The following CDK19 variants were observed in gnomAD, a reference collection of about 807,000 sequenced individuals.
The protein encoded by CDK19 is cyclin dependent kinase 19.
Under a neutral mutation model 68.3 loss-of-function variants are expected in CDK19, and 20 were observed. The ratio of observed to expected loss-of-function variants is 0.29; its 90% CI spans 0.21 to 0.43. CDK19 has a LOEUF of 0.43. CDK19 is among the 20% of genes least tolerant of loss of function. The probability of loss-of-function intolerance (pLI) is 1.00; values close to 1 mark genes in which losing one functional copy is unlikely to be tolerated. For synonymous variants in CDK19, 221 were observed against 222.8 expected, an observed-to-expected ratio of 0.99 and a Z score of 0.07; for missense variants, 339 against 623.5, an observed-to-expected ratio of 0.54 and a Z score of 4.86.
At chr6:110,682,431 A>G (rs1167108173) in intron 2 of CDK19, among the ~76,000 whole-genome samples, 1 of 152,236 alleles carries the variant, frequency 6.6e-6, no homozygotes, top group Non-Finnish European at 1.5e-5. Context: ...TAAATTAAGA[A>G]TTAGTATTTG....
chr6:110,627,425 A>G (rs919223879), intron 6 of CDK19, among the ~76,000 whole-genome samples: 1 of 152,292 alleles, frequency 6.6e-6, no homozygotes, highest in South Asian at 2.1e-4. Flanking sequence ...AATAAAAAAC[A>G]TTTACTTGTA....
chr6:110,793,533 T>C (rs939206179), intron 1 of CDK19, among the ~76,000 whole-genome samples: 1 of 152,250 alleles, frequency 6.6e-6, no homozygotes, highest in Non-Finnish European at 1.5e-5. Context: ...TTATAGTTCA[T>C]AAATTGTACT....
chr6:110,678,951 C>A (rs942616582), intron 2 of CDK19, among the ~76,000 whole-genome samples: 2 of 152,166 alleles, frequency 1.3e-5, no homozygotes, highest in African/African-American at 4.8e-5. Flanking sequence ...CTGATCTGTA[C>A]ACGTACCTGT....
At chr6:110,695,175 G>C (rs895710422) in intron 2 of CDK19, among the ~76,000 whole-genome samples, 7 of 151,220 alleles carry the variant, frequency 4.6e-5, no homozygotes, top group Admixed American at 4.0e-4. Context: ...AAAGGAGAAA[G>C]GAAATTGGAA....
chr6:110,724,778 CT>C (rs397957607), intron 2 of CDK19, among the ~76,000 whole-genome samples: 27 of 149,154 alleles, frequency 1.8e-4, no homozygotes, highest in South Asian at 4.3e-4. Context: ...TAGATAAGAT[CT>C]TTTTTTTTTA....
chr6:110,734,436 T>G (rs552188177), intron 2 of CDK19, among the ~76,000 whole-genome samples: 1 of 151,758 alleles, frequency 6.6e-6, no homozygotes, highest in Non-Finnish European at 1.5e-5. Flanking sequence ...ATTGCTGTTT[T>G]AATAACTACA....
intron 4 of CDK19, among the ~76,000 whole-genome samples, chr6:110,656,065 C>T (rs1276118124): frequency 3.9e-5 from 6 of 152,184 alleles, no homozygotes; most frequent in African/African-American, 1.2e-4. Flanking sequence ...TCTATGAATC[C>T]TTTCCTATTC....
chr6:110,802,585 T>C (rs1782418053), intron 1 of CDK19, among the ~76,000 whole-genome samples: 3 of 152,190 alleles, frequency 2.0e-5, no homozygotes, highest in African/African-American at 4.8e-5. Context: ...ATGTTCACTA[T>C]TTGGTGATGG....
chr6:110,732,664 C>T (rs996281914), intron 2 of CDK19, among the ~76,000 whole-genome samples: 1 of 152,088 alleles, frequency 6.6e-6, no homozygotes, highest in African/African-American at 2.4e-5. Context: ...TTTTATATTA[C>T]TAGTATTTTA....
At chr6:110,676,961 C>T (rs2114489094) in intron 2 of CDK19, among the ~76,000 whole-genome samples, 1 of 152,208 alleles carries the variant, frequency 6.6e-6, no homozygotes, top group Non-Finnish European at 1.5e-5. Flanking sequence ...TTCCCTAATC[C>T]CCAAATTTGC....
chr6:110,667,606 T>C, intron 3 of CDK19, 32 bp from the exon 4 acceptor site: 3 of 1,195,792 alleles, frequency 2.5e-6, no homozygotes, highest in Non-Finnish European at 3.5e-6. Flanking sequence ...AATAATATAG[T>C]CTTTGCTAAT....
chr6:110,652,756 C>T (rs952721861), intron 4 of CDK19, among the ~76,000 whole-genome samples: 1 of 152,146 alleles, frequency 6.6e-6, no homozygotes, highest in Non-Finnish European at 1.5e-5. Flanking sequence ...AATGAAGACA[C>T]AGAGAGAGAA....
chr6:110,675,185 T>C (rs954497901), intron 2 of CDK19, among the ~76,000 whole-genome samples: 8 of 152,362 alleles, frequency 5.3e-5, no homozygotes, highest in African/African-American at 7.2e-5. Flanking sequence ...AGATTCCGTG[T>C]AGGACTTTCA....
chr6:110,791,699 C>T (rs1781606281), intron 1 of CDK19, among the ~76,000 whole-genome samples: 1 of 152,012 alleles, frequency 6.6e-6, no homozygotes, highest in Non-Finnish European at 1.5e-5. Flanking sequence ...ACTATGTCGC[C>T]CAGGCTGAAT....
At chr6:110,739,723 TG>T (rs1777511024) in intron 2 of CDK19, among the ~76,000 whole-genome samples, 2 of 151,782 alleles carry the variant, frequency 1.3e-5, no homozygotes, top group Non-Finnish European at 2.9e-5. Context: ...CTCTAACTCC[TG>T]GACTCAAGCA....
chr6:110,707,152 A>G (rs1258255523), intron 2 of CDK19, among the ~76,000 whole-genome samples: 3 of 152,048 alleles, frequency 2.0e-5, no homozygotes, highest in African/African-American at 7.2e-5. Context: ...AGTAGAGACG[A>G]TGGTGAAACC....
At chr6:110,750,589 A>C (rs553000905) in intron 1 of CDK19, among the ~76,000 whole-genome samples, 15 of 152,326 alleles carry the variant, frequency 9.8e-5, no homozygotes, top group South Asian at 6.2e-4. Flanking sequence ...TGTAGCTTAT[A>C]AATGATTCCT....
chr6:110,722,584 G>C (rs1445651349), intron 2 of CDK19, among the ~76,000 whole-genome samples: 3 of 150,358 alleles, frequency 2.0e-5, no homozygotes, highest in Non-Finnish European at 3.0e-5. Context: ...AAATTAATAG[G>C]AAAATACATT....
chr6:110,623,701 G>T (rs1778862192), intron 8 of CDK19, among the ~76,000 whole-genome samples: 1 of 150,172 alleles, frequency 6.7e-6, no homozygotes, highest in African/African-American at 2.4e-5. Flanking sequence ...AGGATACAGG[G>T]ATAAAAATGT....
Sources: allele counts gnomAD v4.1 joint callset (sites outside exome capture counted in the v4.1 genomes callset), GRCh38; gene constraint gnomAD v4.1.1; transcripts MANE v1.5; gene names NCBI Gene and HGNC (gene_info 2026-07-23, HGNC 2026-07-21).